The following NCALD variants were observed in gnomAD, a reference collection of about 807,000 sequenced individuals.
The protein encoded by NCALD is neurocalcin delta, also known as neurocalcin-delta.
NCALD carries 10 observed loss-of-function variants against 18.6 expected under a neutral mutation model. The observed-to-expected ratio is 0.54, with a 90% confidence interval of 0.33 to 0.91. The LOEUF (loss-of-function observed/expected upper bound fraction) is 0.91. Ranked by LOEUF, NCALD falls within the 40% of genes least tolerant of loss-of-function variation. NCALD has a pLI of 0.03. For synonymous variants in NCALD, 88 were observed against 87.4 expected, an observed-to-expected ratio of 1.01 and a Z score of -0.04; for missense variants, 184 against 247.6, an observed-to-expected ratio of 0.74 and a Z score of 1.72.
At chr8:101,966,864 C>T (rs1445441511) in intron 2 of NCALD, among the ~76,000 whole-genome samples, 5 of 151,970 alleles carry the variant, frequency 3.3e-5, no homozygotes, top group Non-Finnish European at 7.4e-5. Context: ...AAAAACATTG[C>T]ATAATTAAAC....
chr8:101,898,159 C>A (rs1817279115), intron 3 of NCALD, among the ~76,000 whole-genome samples: 2 of 152,186 alleles, frequency 1.3e-5, no homozygotes, highest in Non-Finnish European at 2.9e-5. Context: ...ATTGCCCAGT[C>A]TCAGGTATGT....
Position 102,054,080 on chromosome 8 carries a change from A to C in NCALD, c.-209-33791T>G, listed in dbSNP as rs1305627324. Among the ~76,000 whole-genome samples, 8 of 152,328 alleles carry C rather than the reference A, an allele frequency of 5.3e-5. No individual in the cohort carries two copies. The East Asian group carries it at 1.5e-3, about 29-fold the overall frequency. On this transcript the variant is annotated intron_variant, in intron 1 of 6. Coordinates refer to the NCALD transcript ENST00000311028. ...ACCTTCATGGCATCCCATACAGGTA[A>C]AGAACTAAGATAAAAGCAGAGTCAA...
intron 1 of NCALD, among the ~76,000 whole-genome samples, chr8:102,085,632 C>T (rs1824712323): frequency 1.3e-5 from 2 of 152,010 alleles, no homozygotes; most frequent in South Asian, 4.2e-4. Flanking sequence ...TGGCAGGTGC[C>T]TGTAATCCCA....
rs1293376950 is a variant in NCALD, at chr8:101,870,920, AGAACGTTCAT to A, written c.-20+16211_-20+16220del. On this transcript the variant is annotated intron_variant, in intron 4 of 6. Coordinates refer to the NCALD transcript ENST00000311028. Reference sequence around the variant, plus strand: ...CCACCCCCCCCCCCCAAAAAAAGAGAGAACGTTCATGAGTTATCTAAAGAACATCTGGTCG... The same window carrying A: ...CCACCCCCCCCCCCCAAAAAAAGAGAGAGTTATCTAAAGAACATCTGGTCG... Among the ~76,000 whole-genome samples the A allele has an allele frequency of 4.4e-5, 5 of 114,122 alleles. No homozygotes were observed. The East Asian group carries it at 1.5e-3, about 34-fold the overall frequency. The allele number at this position is 114,122 out of a possible 152,430, so 74.9% of individuals were successfully genotyped here. A position where few individuals can be genotyped will look rare whatever the true frequency, so the allele number is the denominator to read the frequency against.
chr8:102,017,627 G>A lies in NCALD; in HGVS notation c.-157+2610C>T, dbSNP rs191693265. 1.1e-3 allele frequency among the ~76,000 whole-genome samples: 164 copies of A among 152,244 alleles called. 3 individuals are homozygous for A. In the East Asian group the frequency reaches 0.029, roughly 27 times the overall value. On this transcript the variant is annotated intron_variant, in intron 2 of 6. Transcript: ENST00000311028. ...GGAGAATTGCTTGAATCTGGGAGGC[G>A]GAGGTTGCAGTGAGCCAAGATAGCA...
chr8:102,036,601 C>T (rs958449487), intron 1 of NCALD, among the ~76,000 whole-genome samples: 1 of 151,924 alleles, frequency 6.6e-6, no homozygotes, highest in South Asian at 2.1e-4. Flanking sequence ...ATGGTGAAAC[C>T]CCATTTCTAC....
At chr8:101,988,393 A>C (rs1820909563) in intron 2 of NCALD, among the ~76,000 whole-genome samples, 1 of 152,202 alleles carries the variant, frequency 6.6e-6, no homozygotes, top group Non-Finnish European at 1.5e-5. Flanking sequence ...AAGAACCCAG[A>C]CTTTAGAGCC....
intron 4 of NCALD, among the ~76,000 whole-genome samples, chr8:101,806,555 T>C (rs1813109289): frequency 6.6e-6 from 1 of 151,912 alleles, no homozygotes; most frequent in African/African-American, 2.4e-5. Context: ...AGTTTAAAAG[T>C]AGAATAACTG....
At chr8:101,914,326 A>G (rs1817904063) in intron 3 of NCALD, among the ~76,000 whole-genome samples, 1 of 151,998 alleles carries the variant, frequency 6.6e-6, no homozygotes, top group Non-Finnish European at 1.5e-5. Flanking sequence ...AAGATTACAA[A>G]GGCAAAGTGC....
At chr8:101,970,691 A>G (rs1313387184) in intron 2 of NCALD, among the ~76,000 whole-genome samples, 2 of 152,188 alleles carry the variant, frequency 1.3e-5, no homozygotes, top group Non-Finnish European at 2.9e-5. Context: ...TTTTGAACTC[A>G]GAAAACCCCC....
intron 1 of NCALD, among the ~76,000 whole-genome samples, chr8:102,107,533 G>A (rs1359282912): frequency 6.6e-6 from 1 of 152,034 alleles, no homozygotes; most frequent in Non-Finnish European, 1.5e-5. Flanking sequence ...AGCTACAGAA[G>A]AGGGCTAAGG....
chr8:102,023,286 A>G (rs1351061037), intron 1 of NCALD, among the ~76,000 whole-genome samples: 3 of 152,236 alleles, frequency 2.0e-5, no homozygotes, highest in South Asian at 2.1e-4. Context: ...AACACTGGCC[A>G]TTAGAGAGAT....
At chr8:101,808,975 A>G (rs1017401030) in intron 4 of NCALD, among the ~76,000 whole-genome samples, 1 of 152,146 alleles carries the variant, frequency 6.6e-6, no homozygotes, top group Non-Finnish European at 1.5e-5. Flanking sequence ...TTACATGCCA[A>G]ACCTATTCCC....
At chr8:101,888,392 C>T (rs2387334) in intron 3 of NCALD, among the ~76,000 whole-genome samples, 12,979 of 150,968 alleles carry the variant, frequency 0.086, 1,765 homozygotes, top group African/African-American at 0.29. Flanking sequence ...GCTGGACTTT[C>T]TTTTTTATTT....
chr8:102,027,821 C>T (rs1180943826), intron 1 of NCALD, among the ~76,000 whole-genome samples: 1 of 152,148 alleles, frequency 6.6e-6, no homozygotes, highest in African/African-American at 2.4e-5. Flanking sequence ...TGGAAGCAAA[C>T]ACACCCTTCT....
intron 3 of NCALD, among the ~76,000 whole-genome samples, chr8:101,895,577 C>T (rs900405191): frequency 1.3e-5 from 2 of 149,414 alleles, no homozygotes; most frequent in African/African-American, 2.5e-5. Flanking sequence ...TCAAATTGTC[C>T]CTGTTTGCAG....
chr8:101,872,127 A>T, intron 4 of NCALD: 1 of 1,605,078 alleles, frequency 6.2e-7, no homozygotes, highest in Non-Finnish European at 8.5e-7. Context: ...TGACATCAGG[A>T]AACTTCCTGG....
intron 1 of NCALD, among the ~76,000 whole-genome samples, chr8:102,064,976 A>C (rs1823957638): frequency 1.4e-5 from 2 of 142,196 alleles, no homozygotes. Flanking sequence ...AGCCTACAAT[A>C]GAGTACGAGA....
At chr8:101,996,369 T>C (rs1468940515) in intron 2 of NCALD, among the ~76,000 whole-genome samples, 3 of 152,208 alleles carry the variant, frequency 2.0e-5, no homozygotes, top group East Asian at 3.8e-4. Context: ...ACACATCAAG[T>C]ATAATTCCTG....
Sources: gnomAD v4.1 joint callset for allele counts (sites outside exome capture counted in the v4.1 genomes callset) on GRCh38, gnomAD v4.1.1 for gene constraint, MANE v1.5 for transcripts, NCBI Gene and HGNC (gene_info 2026-07-23, HGNC 2026-07-21) for gene names.